NRXN1: variants seen among roughly 807,000 people sequenced by gnomAD.
NRXN1 encodes neurexin-1.
A neutral mutation model predicts 150.9 loss-of-function variants in NRXN1; 39 were observed. The observed-to-expected ratio is 0.26, with a 90% confidence interval of 0.20 to 0.34. The LOEUF is 0.34. NRXN1 is among the 10% of genes least tolerant of loss of function. NRXN1 has a pLI of 1.00. For synonymous variants in NRXN1, 924 were observed against 757.0 expected (o/e 1.22, Z -3.62); for missense variants, 1,815 against 1,949.9 (o/e 0.93, Z 1.30).
chr2:50,238,949 AAC>A (rs1220944861), intron 17 of NRXN1, among the ~76,000 whole-genome samples: 2 of 151,966 alleles, frequency 1.3e-5, no homozygotes, highest in Non-Finnish European at 2.9e-5. Context: ...AATGCATGAA[AAC>A]AGTTTATCTC....
chr2:50,156,281 G>A (rs1282691728), intron 18 of NRXN1, among the ~76,000 whole-genome samples: 1 of 151,850 alleles, frequency 6.6e-6, no homozygotes, highest in East Asian at 1.9e-4. Flanking sequence ...CAAGGGCTAA[G>A]TCTTTTTAGA....
intron 5 of NRXN1, among the ~76,000 whole-genome samples, chr2:50,821,921 A>G (rs1476222977): frequency 6.6e-6 from 1 of 152,076 alleles, no homozygotes; most frequent in Non-Finnish European, 1.5e-5. Flanking sequence ...TCCTTTATTT[A>G]TTTATTTATT....
intron 13 of NRXN1, among the ~76,000 whole-genome samples, chr2:50,498,686 A>ATT (rs2091781120): frequency 6.6e-6 from 1 of 152,212 alleles, no homozygotes; most frequent in Non-Finnish European, 1.5e-5. Context: ...GGTAAGATAA[A>ATT]TAAGCAAAGA....
chr2:50,281,654 C>T (rs2152933504), intron 17 of NRXN1, among the ~76,000 whole-genome samples: 1 of 152,192 alleles, frequency 6.6e-6, no homozygotes, highest in South Asian at 2.1e-4. Flanking sequence ...CTTCCACAAA[C>T]CAAGAGCTCA....
intron 17 of NRXN1, among the ~76,000 whole-genome samples, chr2:50,437,226 C>T (rs1290033035): frequency 6.6e-6 from 1 of 152,190 alleles, no homozygotes; most frequent in Admixed American, 6.5e-5. Context: ...CACACTAGAC[C>T]TGCTCAAATC....
rs544342182 is a variant in NRXN1, at chr2:50,749,137, T to C, written c.833-125522A>G. On this transcript the variant is annotated intron_variant, in intron 5 of 22. Transcript: ENST00000401669. ...TCTGTTTTATAGAAAACCTATTTTG[T>C]TTTTGTAATTTTAAACATCTACATT... Among the ~76,000 whole-genome samples the C allele has an allele frequency of 3.9e-5, 6 of 152,272 alleles. No individual in the cohort carries two copies. The East Asian group carries it at 1.2e-3, about 29-fold the overall frequency.
At chr2:50,334,026 T>C (rs1311948297) in intron 17 of NRXN1, among the ~76,000 whole-genome samples, 1 of 151,806 alleles carries the variant, frequency 6.6e-6, no homozygotes, top group African/African-American at 2.4e-5. Context: ...AGCCCTGCCC[T>C]GCTCTTTGGG....
At chr2:50,692,594 C>G (rs1367441618) in intron 5 of NRXN1, among the ~76,000 whole-genome samples, 2 of 152,078 alleles carry the variant, frequency 1.3e-5, no homozygotes, top group South Asian at 2.1e-4. Context: ...TCTACCACAA[C>G]TTTATCCCTA....
intron 18 of NRXN1, among the ~76,000 whole-genome samples, chr2:50,098,594 G>C (rs950959359): frequency 4.6e-5 from 7 of 152,106 alleles, no homozygotes; most frequent in African/African-American, 1.7e-4. Flanking sequence ...AAAACTCCCA[G>C]CAGACCTGAA....
intron 2 of NRXN1, among the ~76,000 whole-genome samples, chr2:50,977,305 G>C (rs1696007554): frequency 6.6e-6 from 1 of 151,278 alleles, no homozygotes; most frequent in Admixed American, 6.6e-5. Flanking sequence ...CATAAGGAAA[G>C]AAAATCTAAT....
In NRXN1 at chr2:50,605,218, G is replaced by A. The variant is rs142389909; in HGVS notation, c.1320+14804C>T. ...CATCTAGATCAGTGCCAATTATGTT[G>A]TGGTCATTGAATACATTTTATTATT... On this transcript the variant is annotated intron_variant, in intron 8 of 22. Transcript: ENST00000401669. Among the ~76,000 whole-genome samples the A allele has an allele frequency of 3.1e-3, 468 of 152,226 alleles. 2 individuals are homozygous for A. Among genetic ancestry groups the A allele is most frequent in the African/African-American group, 9.6e-3 (398 of 41,538 alleles).
chr2:51,025,087 G>C (rs148598010), intron 2 of NRXN1, among the ~76,000 whole-genome samples: 188 of 152,218 alleles, frequency 1.2e-3, no homozygotes, highest in African/African-American at 4.3e-3. Flanking sequence ...CTTCTAGGAA[G>C]ACTGACTCTG....
intron 5 of NRXN1, among the ~76,000 whole-genome samples, chr2:50,807,852 G>A (rs910052156): frequency 1.3e-4 from 20 of 152,104 alleles, no homozygotes; most frequent in East Asian, 1.9e-4. Flanking sequence ...AATTTTTATC[G>A]TAGATACAAT....
At chr2:50,338,748 C>T (rs1309939600) in intron 17 of NRXN1, among the ~76,000 whole-genome samples, 1 of 151,842 alleles carries the variant, frequency 6.6e-6, no homozygotes, top group Non-Finnish European at 1.5e-5. Flanking sequence ...GCTGCATGCC[C>T]CTTCAAAATG....
intron 17 of NRXN1, among the ~76,000 whole-genome samples, chr2:50,275,267 T>G (rs182148155): frequency 2.7e-4 from 41 of 152,304 alleles, no homozygotes; most frequent in African/African-American, 9.9e-4. Context: ...CTTGTGTTAT[T>G]AACTAGAGGG....
At chr2:50,862,527 A>C (rs1433280254) in intron 5 of NRXN1, among the ~76,000 whole-genome samples, 1 of 152,028 alleles carries the variant, frequency 6.6e-6, no homozygotes, top group Non-Finnish European at 1.5e-5. Context: ...GAAGGTCCTG[A>C]GTCAGGAAAG....
intron 19 of NRXN1, among the ~76,000 whole-genome samples, chr2:50,080,376 G>C (rs535123470): frequency 6.6e-6 from 1 of 152,178 alleles, no homozygotes; most frequent in Admixed American, 6.5e-5. Flanking sequence ...AGTATATATA[G>C]GTTTTGGTAC....
At chr2:50,374,100 G>A (rs995694482) in intron 17 of NRXN1, among the ~76,000 whole-genome samples, 5 of 117,862 alleles carry the variant, frequency 4.2e-5, no homozygotes, top group African/African-American at 1.8e-4. Context: ...GGACTAGCCT[G>A]GGCAATATAG....
intron 13 of NRXN1, among the ~76,000 whole-genome samples, chr2:50,505,742 T>C (rs990070983): frequency 4.6e-5 from 7 of 152,180 alleles, no homozygotes; most frequent in Admixed American, 3.3e-4. Flanking sequence ...CTCCTTCGAA[T>C]TGAATGAACA....
Sources: gnomAD v4.1 joint callset for allele counts (sites outside exome capture counted in the v4.1 genomes callset) on GRCh38, gnomAD v4.1.1 for gene constraint, MANE v1.5 for transcripts, NCBI Gene and HGNC (gene_info 2026-07-23, HGNC 2026-07-21) for gene names.